The following PLEKHG4B variants were observed in gnomAD, a reference collection of about 807,000 sequenced individuals.
The protein encoded by PLEKHG4B is pleckstrin homology and RhoGEF domain containing G4B.
In PLEKHG4B, 111 loss-of-function variants were observed where a neutral mutation model predicts 121.3. The ratio of observed to expected loss-of-function variants is 0.92; its 90% CI spans 0.78 to 1.07. The LOEUF (loss-of-function observed/expected upper bound fraction) is 1.07. PLEKHG4B is among the 50% of genes least tolerant of loss of function. PLEKHG4B has a pLI of 0.00. For missense variants in PLEKHG4B, 1,831 were observed against 1,757.8 expected (o/e 1.04, Z -0.74); for synonymous variants, 738 against 725.0 (o/e 1.02, Z -0.29).
chr5:143,700 T>A (rs1735309565), intron 5 of PLEKHG4B, among the ~76,000 whole-genome samples, 197 bp downstream of exon 5: 1 of 152,198 alleles, frequency 6.6e-6, no homozygotes, highest in Non-Finnish European at 1.5e-5. Flanking sequence ...TCTCTACACA[T>A]CCTTCCCAGT....
In PLEKHG4B at chr5:182,386, G is replaced by C; in HGVS notation, c.*63G>C. 6.7e-7 allele frequency: 1 copy of C among 1,487,368 alleles called. No individual in the cohort carries two copies. Among genetic ancestry groups the C allele is most frequent in the Non-Finnish European group, 9.0e-7 (1 of 1,110,688 alleles). The allele number at this position is 1,487,368 out of a possible 1,614,324, so 92.1% of individuals were successfully genotyped here. ...ACAATACAGAGGGAGCAGCACGCCA[G>C]GCCTGATGACTCTGGGGGTGGCGGT... On this transcript the variant is annotated 3_prime_UTR_variant, in exon 20 of 20. Transcript: ENST00000637938.
At chr5:96,987 T>C (rs546383947) in intron 1 of PLEKHG4B, among the ~76,000 whole-genome samples, 2 of 152,384 alleles carry the variant, frequency 1.3e-5, no homozygotes, top group Non-Finnish European at 2.9e-5. Context: ...TGGCGGTCAG[T>C]ACATTCACAA....
chr5:164,877 C>G (rs76213959), intron 13 of PLEKHG4B, among the ~76,000 whole-genome samples: 104 of 96,976 alleles, frequency 1.1e-3, no homozygotes, highest in African/African-American at 2.8e-3. Flanking sequence ...CAGTAATGCT[C>G]TGACGGGGCG....
intron 16 of PLEKHG4B, 58 bp downstream of exon 16, chr5:171,502 G>C: frequency 6.9e-7 from 1 of 1,457,592 alleles, no homozygotes; most frequent in Non-Finnish European, 9.2e-7. Context: ...GGCTGCTGGT[G>C]AGAAAGTCTT....
intron 2 of PLEKHG4B, among the ~76,000 whole-genome samples, chr5:128,093 T>C (rs939772051): frequency 6.6e-6 from 1 of 152,106 alleles, no homozygotes; most frequent in African/African-American, 2.4e-5. Flanking sequence ...TTAGGGACAA[T>C]AGATGACAAA....
intron 2 of PLEKHG4B, among the ~76,000 whole-genome samples, chr5:121,163 C>A (rs1734456362): frequency 6.6e-6 from 1 of 151,788 alleles, no homozygotes; most frequent in Non-Finnish European, 1.5e-5. Context: ...AGGAGAATGG[C>A]GTGAACCCGG....
At chr5:134,058 AATATATATATATGATAGAATATATAT>A (rs1285343649) in intron 2 of PLEKHG4B, among the ~76,000 whole-genome samples, 399 of 124,856 alleles carry the variant, frequency 3.2e-3, no homozygotes, top group African/African-American at 7.6e-3. Context: ...TATATGATAG[AATATATATATATGATAGAATATATAT>A]ATATATATAT....
At position 155,360 on chromosome 5, in the gene PLEKHG4B, G is replaced by T. The variant is rs138180145; in HGVS notation, c.2125G>T (p.Ala709Ser). 71 of 1,613,922 alleles carry T rather than the reference G, an allele frequency of 4.4e-5. No homozygotes were observed. The highest frequency in any genetic ancestry group is 5.6e-5 in the Non-Finnish European group (66 of 1,179,960). The change falls in exon 9 of 20, where the codon GCT (alanine) becomes TCT (serine). Residue 709 changes from alanine to serine, a missense_variant. Physicochemically the swap from Ala to Ser is moderately conservative, Grantham distance 99. Coordinates refer to ENST00000637938, the MANE Select transcript of PLEKHG4B (RefSeq NM_052909.5). ...CTCACAACAGAGGCTGGAACACTTC[G>T]CTGCAAACTGTGAAGAAGCCATCAT... is the stretch of plus-strand genomic sequence containing the variant. ...ICFRQRLEHFAANCEEAIIFL... is the reference protein window; with the variant it reads ...ICFRQRLEHFSANCEEAIIFL...
chr5:103,923 A>G (rs1733895721), intron 1 of PLEKHG4B, among the ~76,000 whole-genome samples: 1 of 152,030 alleles, frequency 6.6e-6, no homozygotes, highest in Admixed American at 6.5e-5. Context: ...CATGAGATCC[A>G]CTTTTTAGCT....
rs1733711567 is a variant in PLEKHG4B at position 189,000 on chromosome 5, G to A, written c.*6677G>A. The A allele has an allele frequency of 6.6e-6, 1 of 152,296 alleles. No homozygotes were observed. The highest frequency in any genetic ancestry group is 1.5e-5 in the Non-Finnish European group (1 of 68,066). The allele number at this position is 152,296 out of a possible 1,614,324, so 9.4% of individuals were successfully genotyped here. On this transcript the variant is annotated 3_prime_UTR_variant, in exon 20 of 20. Coordinates refer to ENST00000637938, the MANE Select transcript of PLEKHG4B (RefSeq NM_052909.5). The stretch of plus-strand genomic sequence containing the variant: ...AGCTGGGATGGAGGTGGGTCCTCCA[G>A]GGAGTGCCCCAGTCCTCGAGAGCCA...
chr5:162,100 C>T (rs894393038), intron 12 of PLEKHG4B, among the ~76,000 whole-genome samples, 156 bp downstream of exon 12: 1 of 152,218 alleles, frequency 6.6e-6, no homozygotes, highest in Non-Finnish European at 1.5e-5. Context: ...GCCCACGGCT[C>T]TCTGGAGAAG....
At chr5:120,396 C>T (rs993504475) in intron 2 of PLEKHG4B, among the ~76,000 whole-genome samples, 1 of 152,170 alleles carries the variant, frequency 6.6e-6, no homozygotes, top group Admixed American at 6.5e-5. Context: ...CCAGACTCCC[C>T]CTGGAGAGAG....
At chr5:134,472 A>T (rs138148455) in intron 2 of PLEKHG4B, among the ~76,000 whole-genome samples, 397 of 151,880 alleles carry the variant, frequency 2.6e-3, no homozygotes, top group African/African-American at 8.4e-3. Context: ...TATTGAAATT[A>T]AAAAAAATGA....
Position 143,453 on chromosome 5 carries a change from GT to G in PLEKHG4B, c.1762del (p.Ser588ProfsTer5). On this transcript the variant is annotated frameshift_variant, in exon 5 of 20. Coordinates refer to ENST00000637938, the MANE Select transcript of PLEKHG4B (RefSeq NM_052909.5). LOFTEE classifies it high-confidence loss of function. ...RSLLWTREHS[S>X]CAELTRLLLY... ...GCCTGCTCTGGACCAGGGAACACTC[GT>G]CCTGTGCTGAGCTGACCCGCCTGCT... is the stretch of plus-strand genomic sequence containing the variant. The G allele has an allele frequency of 1.2e-6, 2 of 1,612,870 alleles. No homozygotes were observed. Among genetic ancestry groups the G allele is most frequent in the Non-Finnish European group, 1.7e-6 (2 of 1,179,996 alleles).
intron 1 of PLEKHG4B, among the ~76,000 whole-genome samples, chr5:102,004 T>C (rs1227565802): frequency 9.4e-5 from 7 of 74,190 alleles, no homozygotes; most frequent in Non-Finnish European, 1.5e-4. Flanking sequence ...GGAGAGACTG[T>C]TGTGAGGTTA....
At chr5:179,840 CATCTT>C (rs1366445838) in intron 18 of PLEKHG4B, 2 of 152,244 alleles carry the variant, frequency 1.3e-5, no homozygotes, top group Non-Finnish European at 2.9e-5. Context: ...GTTTTCCACT[CATCTT>C]AAAGTTCATT....
At chr5:95,384 T>C (rs996879125) in intron 1 of PLEKHG4B, among the ~76,000 whole-genome samples, 5 of 152,060 alleles carry the variant, frequency 3.3e-5, no homozygotes, top group African/African-American at 4.8e-5. Context: ...TAGAGAGGGC[T>C]TTCTGGGTCA....
chr5:138,252 T>C (rs113308268), intron 2 of PLEKHG4B, among the ~76,000 whole-genome samples: 1,677 of 152,358 alleles, frequency 0.011, 10 homozygotes, highest in Non-Finnish European at 0.017. Flanking sequence ...GAAATGAGGG[T>C]GTAACTTTAC....
intron 1 of PLEKHG4B, among the ~76,000 whole-genome samples, chr5:104,897 A>G (rs1733929042): frequency 1.3e-5 from 2 of 152,250 alleles, no homozygotes; most frequent in Non-Finnish European, 2.9e-5. Flanking sequence ...AATCAGAACA[A>G]GGTGCCAGCT....
Sources: gnomAD v4.1 joint callset for allele counts (sites outside exome capture counted in the v4.1 genomes callset) on GRCh38, gnomAD v4.1.1 for gene constraint, MANE v1.5 for transcripts, NCBI Gene and HGNC (gene_info 2026-07-23, HGNC 2026-07-21) for gene names.